BCL2L13: variants seen among roughly 807,000 people sequenced by gnomAD.
BCL2L13 encodes the protein BCL2 like 13.
A neutral mutation model predicts 25.8 loss-of-function variants in BCL2L13; 13 were observed. The observed-to-expected ratio is 0.50, with a 90% CI of 0.33 to 0.80. BCL2L13 has a LOEUF of 0.80. Ranked by LOEUF, BCL2L13 falls within the 30% of genes least tolerant of loss-of-function variation. BCL2L13 has a pLI of 0.02. For synonymous variants in BCL2L13, 244 were observed against 230.3 expected (o/e 1.06, Z -0.54); for missense variants, 504 against 574.9 (o/e 0.88, Z 1.26).
chr22:17,677,658 G>T (rs2059613001), intron 2 of BCL2L13, among the ~76,000 whole-genome samples: 1 of 152,144 alleles, frequency 6.6e-6, no homozygotes, highest in Non-Finnish European at 1.5e-5. Flanking sequence ...TGGATCATGA[G>T]GTCAGGAGAT....
At chr22:17,678,755 A>C (rs2059647038) in intron 2 of BCL2L13, among the ~76,000 whole-genome samples, 2 of 152,228 alleles carry the variant, frequency 1.3e-5, no homozygotes. Context: ...TGTGCTGGAC[A>C]AATCTTACTC....
At chr22:17,684,953 CG>C (rs2059876323) in intron 3 of BCL2L13, among the ~76,000 whole-genome samples, 2 of 152,034 alleles carry the variant, frequency 1.3e-5, no homozygotes, top group Non-Finnish European at 2.9e-5. Flanking sequence ...AGGATGGTCT[CG>C]TTGATCTCCT....
At chr22:17,662,536 G>A (rs1008828059) in intron 2 of BCL2L13, among the ~76,000 whole-genome samples, 2 of 151,804 alleles carry the variant, frequency 1.3e-5, no homozygotes, top group Non-Finnish European at 2.9e-5. Context: ...AAAATATAAC[G>A]TCAGGCTGGG....
intron 1 of BCL2L13, among the ~76,000 whole-genome samples, chr22:17,650,308 G>A (rs2058640614): frequency 1.3e-5 from 2 of 152,074 alleles, no homozygotes; most frequent in Non-Finnish European, 2.9e-5. Context: ...TTTCAATCTG[G>A]ACTGAAAGGG....
At chr22:17,711,629 T>G (rs537515413) in intron 6 of BCL2L13, among the ~76,000 whole-genome samples, 1 of 152,312 alleles carries the variant, frequency 6.6e-6, no homozygotes, top group Non-Finnish European at 1.5e-5. Context: ...CCATTTTACT[T>G]ACTTGGCTTA....
At chr22:17,674,093 T>C (rs530070849) in intron 2 of BCL2L13, among the ~76,000 whole-genome samples, 2 of 152,284 alleles carry the variant, frequency 1.3e-5, no homozygotes, top group Admixed American at 1.3e-4. Flanking sequence ...CAGCATAGGA[T>C]AGTGTATTTT....
At chr22:17,674,229 CAG>C (rs2059505752) in intron 2 of BCL2L13, among the ~76,000 whole-genome samples, 2 of 152,082 alleles carry the variant, frequency 1.3e-5, no homozygotes, top group East Asian at 1.9e-4. Flanking sequence ...CAAGGATAGA[CAG>C]AATTTGAATT....
upstream of BCL2L13, among the ~76,000 whole-genome samples, chr22:17,635,749 G>C (rs567910222): frequency 3.3e-5 from 5 of 151,004 alleles, no homozygotes; most frequent in Non-Finnish European, 7.4e-5. Flanking sequence ...TCACTCTGTC[G>C]CCCAGGCTGG....
intron 2 of BCL2L13, among the ~76,000 whole-genome samples, chr22:17,676,736 A>T (rs1451364313): frequency 1.3e-5 from 2 of 152,234 alleles, no homozygotes; most frequent in Non-Finnish European, 2.9e-5. Context: ...TTGCAGAGCC[A>T]TCTAACACTA....
At chr22:17,667,404 C>G (rs984083481) in intron 2 of BCL2L13, among the ~76,000 whole-genome samples, 1 of 152,192 alleles carries the variant, frequency 6.6e-6, no homozygotes, top group Admixed American at 6.5e-5. Flanking sequence ...CTCCTGACCT[C>G]ATGTGATCTG....
intron 1 of BCL2L13, among the ~76,000 whole-genome samples, chr22:17,640,249 A>T (rs1205760571): frequency 2.0e-5 from 3 of 152,190 alleles, no homozygotes. Flanking sequence ...TTCATTTGGT[A>T]ATAGGCAGTT....
intron 2 of BCL2L13, among the ~76,000 whole-genome samples, chr22:17,679,326 A>ATGGTGCGATCTCTG (rs2059667676): frequency 7.4e-6 from 1 of 134,970 alleles, no homozygotes; most frequent in Admixed American, 8.4e-5. Flanking sequence ...CTGGAGTGCA[A>ATGGTGCGATCTCTG]TGGTGCGATC....
At chr22:17,664,178 G>T (rs980723689) in intron 2 of BCL2L13, among the ~76,000 whole-genome samples, 1 of 151,390 alleles carries the variant, frequency 6.6e-6, no homozygotes, top group Non-Finnish European at 1.5e-5. Flanking sequence ...AGAGTTGGGG[G>T]TTTCACCATC....
At chr22:17,680,034 G>A (rs2059689323) in intron 2 of BCL2L13, among the ~76,000 whole-genome samples, 1 of 151,134 alleles carries the variant, frequency 6.6e-6, no homozygotes, top group Non-Finnish European at 1.5e-5. Context: ...CCAACATGAT[G>A]AAGCACCATC....
At chr22:17,693,374 T>C (rs796605546) in intron 4 of BCL2L13, among the ~76,000 whole-genome samples, 1 of 24,762 alleles carries the variant, frequency 4.0e-5, no homozygotes, top group Non-Finnish European at 8.8e-5. Context: ...TAGTGTTTGT[T>C]TTTTTTTTTT....
chr22:17,628,905 C>T, upstream of BCL2L13: 1 of 513,896 alleles, frequency 1.9e-6, no homozygotes, highest in Admixed American at 3.2e-5. Context: ...GTGACCTGAC[C>T]GGTATTTTTT....
chr22:17,688,779 T>C (rs1038185286), intron 3 of BCL2L13, among the ~76,000 whole-genome samples: 1 of 151,416 alleles, frequency 6.6e-6, no homozygotes, highest in Non-Finnish European at 1.5e-5. Context: ...TTTTTTTTTT[T>C]TTTTTGAGAC....
chr22:17,639,016 G>T, intron 1 of BCL2L13, 130 bp downstream of exon 1: 1 of 730,382 alleles, frequency 1.4e-6, no homozygotes, highest in South Asian at 7.4e-5. Flanking sequence ...GAGTTTGAGT[G>T]TGTGTGTCTA....
intron 1 of BCL2L13, 31 bp downstream of exon 1, chr22:17,638,917 G>A: frequency 7.3e-6 from 9 of 1,230,808 alleles, no homozygotes; most frequent in Non-Finnish European, 9.1e-6. Context: ...GGAAGGCTGA[G>A]CTGGGTGAGG....
Sources: gnomAD v4.1 joint callset for allele counts (sites outside exome capture counted in the v4.1 genomes callset) on GRCh38, gnomAD v4.1.1 for gene constraint, MANE v1.5 for transcripts, NCBI Gene and HGNC (gene_info 2026-07-23, HGNC 2026-07-21) for gene names.